Variants in UNC5C observed in about 807,000 individuals in gnomAD.
UNC5C encodes unc-5 netrin receptor C, also known as netrin receptor UNC5C.
A neutral mutation model predicts 99.8 loss-of-function variants in UNC5C; 47 were observed. The observed-to-expected ratio is 0.47, with a 90% CI of 0.37 to 0.60. The LOEUF (loss-of-function observed/expected upper bound fraction) is 0.60, where lower values mean the gene tolerates loss of function less well. Ranked by LOEUF, UNC5C falls within the 20% of genes least tolerant of loss-of-function variation. The pLI is 0.00. For synonymous variants in UNC5C, 487 were observed against 452.2 expected, an observed-to-expected ratio of 1.08 and a Z score of -0.98; for missense variants, 1,062 against 1,165.9, an observed-to-expected ratio of 0.91 and a Z score of 1.30.
intron 1 of UNC5C, among the ~76,000 whole-genome samples, chr4:95,516,266 G>A (rs1480188133): frequency 1.3e-5 from 2 of 152,178 alleles, no homozygotes; most frequent in Non-Finnish European, 2.9e-5. Flanking sequence ...ATTTGTCCCA[G>A]TATATGGCTC....
chr4:95,303,660 G>A (rs1000509385), intron 2 of UNC5C, among the ~76,000 whole-genome samples: 37 of 152,150 alleles, frequency 2.4e-4, no homozygotes, highest in Admixed American at 1.7e-3. Flanking sequence ...TGGGCAATGA[G>A]CGAGACTTTG....
chr4:95,548,393 C>T (rs1332597340), intron 1 of UNC5C, among the ~76,000 whole-genome samples: 2 of 151,944 alleles, frequency 1.3e-5, no homozygotes, highest in Non-Finnish European at 2.9e-5. Flanking sequence ...TCCAAACCTC[C>T]GTGTGTGCAA....
Position 95,356,007 on chromosome 4 carries a change from T to A in UNC5C, c.125-20376A>T, listed in dbSNP as rs541424182. Among the ~76,000 whole-genome samples the A allele has an allele frequency of 3.3e-5, 5 of 151,832 alleles. No individual in the cohort carries two copies. The South Asian group carries it at 8.3e-4, about 25-fold the overall frequency. On this transcript the variant is annotated intron_variant, in intron 1 of 15. Coordinates refer to ENST00000453304, the MANE Select transcript of UNC5C (RefSeq NM_003728.4). ...GAATTTGAGACCAGCATGGGCAACATAGAGAGACCCTGTATCTACAAAAAA... is the reference window on the plus strand; with the variant it reads ...GAATTTGAGACCAGCATGGGCAACAAAGAGAGACCCTGTATCTACAAAAAA...
At chr4:95,370,535 G>A (rs935769216) in intron 1 of UNC5C, among the ~76,000 whole-genome samples, 2 of 152,154 alleles carry the variant, frequency 1.3e-5, no homozygotes, top group Non-Finnish European at 2.9e-5. Context: ...ACTGGCTTTT[G>A]CAAGCAAAAT....
At chr4:95,183,520 C>G (rs17023134) in intron 13 of UNC5C, among the ~76,000 whole-genome samples, 12,049 of 152,232 alleles carry the variant, frequency 0.079, 990 homozygotes, top group Admixed American at 0.25. Flanking sequence ...ATGTGGCTCC[C>G]TTTCATGCTT....
intron 1 of UNC5C, among the ~76,000 whole-genome samples, chr4:95,485,919 T>G (rs1578189702): frequency 6.6e-6 from 1 of 151,792 alleles, no homozygotes; most frequent in East Asian, 2.0e-4. Flanking sequence ...TCCAATATCT[T>G]TTCCATTAAG....
At chr4:95,214,736 C>T (rs1328354339) in intron 10 of UNC5C, among the ~76,000 whole-genome samples, 1 of 152,290 alleles carries the variant, frequency 6.6e-6, no homozygotes, top group Admixed American at 6.5e-5. Flanking sequence ...AAAATGTCCA[C>T]GCTGACAAAG....
chr4:95,503,996 TTA>T (rs1721844971), intron 1 of UNC5C, among the ~76,000 whole-genome samples: 2 of 152,138 alleles, frequency 1.3e-5, no homozygotes, highest in African/African-American at 2.4e-5. Context: ...AATTTCAAAT[TTA>T]TGTCATTAAT....
chr4:95,491,748 AATG>A (rs915736051), intron 1 of UNC5C, among the ~76,000 whole-genome samples: 7 of 151,546 alleles, frequency 4.6e-5, no homozygotes, highest in African/African-American at 1.7e-4. Flanking sequence ...TTCCAAATAA[AATG>A]ATGATTTTAT....
chr4:95,349,382 ACACC>A (rs1743902887), intron 1 of UNC5C, among the ~76,000 whole-genome samples: 1 of 119,388 alleles, frequency 8.4e-6, no homozygotes, highest in Non-Finnish European at 1.9e-5. Flanking sequence ...TCATACACAC[ACACC>A]CACACACACA....
At chr4:95,218,915 A>T in intron 9 of UNC5C, 54 bp downstream of exon 9, 2 of 1,504,348 alleles carry the variant, frequency 1.3e-6, no homozygotes, top group Middle Eastern at 1.8e-4. Flanking sequence ...AGATTTTGGT[A>T]TGGAAAAATA....
At chr4:95,275,455 T>C (rs887499878) in intron 4 of UNC5C, among the ~76,000 whole-genome samples, 2 of 152,156 alleles carry the variant, frequency 1.3e-5, no homozygotes, top group Non-Finnish European at 2.9e-5. Context: ...ACTATTATTA[T>C]CTCCCCTTTA....
At chr4:95,516,606 C>T (rs767463209) in intron 1 of UNC5C, among the ~76,000 whole-genome samples, 1 of 152,152 alleles carries the variant, frequency 6.6e-6, no homozygotes. Context: ...TCATAGTGGA[C>T]GCTGGAGCCT....
intron 4 of UNC5C, among the ~76,000 whole-genome samples, chr4:95,256,362 C>T (rs1739981527): frequency 6.6e-6 from 1 of 152,090 alleles, no homozygotes; most frequent in South Asian, 2.1e-4. Flanking sequence ...CAGTCTTATG[C>T]ACCTCACTTA....
At chr4:95,475,565 A>G (rs1748119512) in intron 1 of UNC5C, among the ~76,000 whole-genome samples, 1 of 152,064 alleles carries the variant, frequency 6.6e-6, no homozygotes, top group African/African-American at 2.4e-5. Context: ...ATAGATAGAT[A>G]TTTGAAATAG....
At chr4:95,501,954 A>G (rs1322123079) in intron 1 of UNC5C, among the ~76,000 whole-genome samples, 3 of 152,082 alleles carry the variant, frequency 2.0e-5, no homozygotes, top group African/African-American at 4.8e-5. Flanking sequence ...CAGCCACAGC[A>G]GAAGAAGAGA....
At chr4:95,440,990 T>G (rs1746934903) in intron 1 of UNC5C, among the ~76,000 whole-genome samples, 1 of 152,116 alleles carries the variant, frequency 6.6e-6, no homozygotes, top group Admixed American at 6.6e-5. Flanking sequence ...TCACAAATAT[T>G]AAATATAAGC....
At chr4:95,416,248 T>C (rs895653748) in intron 1 of UNC5C, among the ~76,000 whole-genome samples, 1 of 152,246 alleles carries the variant, frequency 6.6e-6, no homozygotes, top group South Asian at 2.1e-4. Context: ...ACTAAGAGTT[T>C]GGAAAGAATA....
At chr4:95,496,593 C>T (rs1218012777) in intron 1 of UNC5C, among the ~76,000 whole-genome samples, 3 of 151,800 alleles carry the variant, frequency 2.0e-5, no homozygotes, top group Non-Finnish European at 4.4e-5. Flanking sequence ...TCCAAGAGAA[C>T]CCTAATTTGA....
Sources: gnomAD v4.1 joint callset for allele counts (sites outside exome capture counted in the v4.1 genomes callset) on GRCh38, gnomAD v4.1.1 for gene constraint, MANE v1.5 for transcripts, NCBI Gene and HGNC (gene_info 2026-07-23, HGNC 2026-07-21) for gene names.